The following DUOX1 variants were observed in gnomAD, a reference collection of about 807,000 sequenced individuals.
The protein encoded by DUOX1 is NADPH thyroid oxidase 1.
Under a neutral mutation model 181.8 loss-of-function variants are expected in DUOX1, and 134 were observed. The observed-to-expected ratio is 0.74, with a 90% confidence interval of 0.64 to 0.85. The LOEUF (loss-of-function observed/expected upper bound fraction) is 0.85. Ranked by LOEUF, DUOX1 falls within the 40% of genes least tolerant of loss-of-function variation. The pLI, the probability that DUOX1 is intolerant of heterozygous loss-of-function variation, is 0.00. For missense variants in DUOX1, 1,814 were observed against 2,064.4 expected, an observed-to-expected ratio of 0.88 and a Z score of 2.35; for synonymous variants, 798 against 832.5, an observed-to-expected ratio of 0.96 and a Z score of 0.71.
chr15:45,148,251 G>C (rs537967758), intron 20 of DUOX1, 21 bp from the exon 21 acceptor site: 1 of 1,613,728 alleles, frequency 6.2e-7, no homozygotes, highest in South Asian at 1.1e-5. Flanking sequence ...GGGCCGGATG[G>C]TTCCTCTCCC....
chr15:45,130,073 G>A lies in DUOX1; in HGVS notation c.-75G>A, dbSNP rs1462995522. On this transcript the variant is annotated 5_prime_UTR_variant, in exon 1 of 34. Coordinates refer to ENST00000389037, the MANE Select transcript of DUOX1 (RefSeq NM_175940.3). The stretch of plus-strand genomic sequence containing the variant: ...CAGGCCGGAGACAAGTTGCAGTCCC[G>A]GGCTCTGGTGACGCCGTGGCCGCAG... 6.6e-6 allele frequency: 1 copy of A among 152,288 alleles called. No individual in the cohort carries two copies. Among genetic ancestry groups the A allele is most frequent in the Non-Finnish European group, 1.5e-5 (1 of 68,096 alleles). The allele number at this position is 152,288 out of a possible 1,614,324, so 9.4% of individuals were successfully genotyped here.
chr15:45,155,600 A>C, intron 27 of DUOX1: 1 of 637,046 alleles, frequency 1.6e-6, no homozygotes, highest in Non-Finnish European at 2.6e-6. Flanking sequence ...TCATGGTGAC[A>C]AGGGCTATGA....
At position 45,139,119 on chromosome 15, in the gene DUOX1, C is replaced by A. The variant is rs745987141; in HGVS notation, c.1167C>A (p.Ala389=). 1 of 1,614,184 alleles carries A rather than the reference C, an allele frequency of 6.2e-7. No homozygotes were observed. Among genetic ancestry groups the A allele is most frequent in the South Asian group, 1.1e-5 (1 of 91,084 alleles). ...EDVDALLLGM[A]SQIAEREDHV... ...TGGATGCACTGCTGCTGGGCATGGC[C>A]TCCCAGATCGCAGAGCGAGAGGACC... Residue 389 remains alanine (A), a synonymous_variant, in exon 11 of 34, where the codon GCC becomes GCA. Coordinates refer to ENST00000389037, the MANE Select transcript of DUOX1 (RefSeq NM_175940.3).
Position 45,139,449 on chromosome 15 carries a change from G to C in DUOX1, c.1239G>C (p.Lys413Asn). 1 of 1,612,698 alleles carries C rather than the reference G, an allele frequency of 6.2e-7. No homozygotes were observed. Among genetic ancestry groups the C allele is most frequent in the Non-Finnish European group, 8.5e-7 (1 of 1,179,658 alleles). ...DVRDFWPGPL[K>N]FSRTDHLASC... ...CAGATTTCTGGCCTGGGCCACTGAA[G>C]TTTTCCCGCACAGACCACCTGGCCA... Residue 413 changes from lysine to asparagine, a missense_variant, in exon 12 of 34, where the codon AAG becomes AAC. By Grantham distance (94) the Lys-to-Asn change is moderately conservative. Around this residue, in one of 5 missense-constraint regions of DUOX1, gnomAD observed 1,064 missense variants for 1,152.9 expected, o/e 0.92. Transcript: ENST00000389037.
chr15:45,142,291 G>A (rs1896519743), intron 15 of DUOX1, among the ~76,000 whole-genome samples, 179 bp downstream of exon 15: 1 of 152,228 alleles, frequency 6.6e-6, no homozygotes, highest in Non-Finnish European at 1.5e-5. Context: ...AGAGAAGTCA[G>A]CTCCAGGGAG....
In DUOX1 at chr15:45,140,030, G is replaced by A. The variant is rs1017378818; in HGVS notation, c.1389+431G>A. 2.2e-5 allele frequency: 30 copies of A among 1,353,034 alleles called. No individual in the cohort carries two copies. The Admixed American group carries it at 3.5e-4, about 16-fold the overall frequency. 83.8% of individuals were successfully genotyped at this position (1,353,034 alleles called of 1,614,324 possible). ...CCCAGGCCAAGGTAGAGCCTGAGGC[G>A]GAGGCCCAGCATGCCTTACCCATTC... On this transcript the variant is annotated intron_variant, in intron 12 of 33. Coordinates refer to ENST00000389037, the MANE Select transcript of DUOX1 (RefSeq NM_175940.3).
At position 45,144,088 on chromosome 15, in the gene DUOX1, G is replaced by A. The variant is rs1239721114; in HGVS notation, c.1989G>A (p.Leu663=). ...KEPCRPVLVY[L]QPGQIRVVDG... ...CCTGCCGGCCCGTGCTTGTGTACCT[G>A]CAGCCCGGGCAGATCCGTGTGGTAG... The change falls in exon 17 of 34, where the codon CTG becomes CTA. Residue 663 remains leucine (L), a synonymous_variant. Transcript: ENST00000389037. The A allele has an allele frequency of 1.2e-6, 2 of 1,613,966 alleles. No homozygotes were observed. Among genetic ancestry groups the A allele is most frequent in the Non-Finnish European group, 1.7e-6 (2 of 1,180,038 alleles).
chr15:45,149,421 T>A (rs1027852493), intron 21 of DUOX1, among the ~76,000 whole-genome samples: 5 of 152,096 alleles, frequency 3.3e-5, no homozygotes, highest in African/African-American at 7.2e-5. Context: ...CACCACAGAG[T>A]CCCAGGGACA....
At chr15:45,158,083 GC>G (rs1897007517) in intron 28 of DUOX1, among the ~76,000 whole-genome samples, 1 of 152,208 alleles carries the variant, frequency 6.6e-6, no homozygotes, top group Admixed American at 6.5e-5. Flanking sequence ...CACATCAGAG[GC>G]TGAGCTGGCT....
Position 45,155,760 on chromosome 15 carries a change from A to G in DUOX1, c.3575-42A>G, listed in dbSNP as rs536859730. 35 of 1,611,826 alleles carry G rather than the reference A, an allele frequency of 2.2e-5. 1 individual carries two copies. The Admixed American group carries it at 5.2e-4, about 24-fold the overall frequency. ...GAAGCTCCAGAACAGTTCCCTTTCA[A>G]GGCACTGATCTTCTGCCTTCCACCC... is the stretch of plus-strand genomic sequence containing the variant. On this transcript the variant is annotated intron_variant, in intron 27 of 33. Coordinates refer to ENST00000389037, the MANE Select transcript of DUOX1 (RefSeq NM_175940.3).
At chr15:45,150,296 A>C (rs546021966) in intron 21 of DUOX1, 1 of 267,732 alleles carries the variant, frequency 3.7e-6, no homozygotes, top group South Asian at 8.6e-5. Context: ...GAGGATCTTA[A>C]GCCAAATTTT....
At chr15:45,150,809 C>A in intron 22 of DUOX1, 108 bp downstream of exon 22, 1 of 1,093,380 alleles carries the variant, frequency 9.1e-7, no homozygotes, top group Non-Finnish European at 1.4e-6. Flanking sequence ...CACCTTCAAA[C>A]AAATTAGAAA....
intron 28 of DUOX1, among the ~76,000 whole-genome samples, chr15:45,156,578 A>G (rs1247129689): frequency 1.3e-5 from 2 of 152,094 alleles, no homozygotes; most frequent in African/African-American, 4.8e-5. Flanking sequence ...GACTACAGGC[A>G]CGCACCACCA....
In DUOX1 at chr15:45,148,144, C is replaced by T. The variant is rs1896703162; in HGVS notation, c.2643-128C>T. 8.8e-6 allele frequency: 13 copies of T among 1,470,102 alleles called. No individual in the cohort carries two copies. In the South Asian group the frequency reaches 1.1e-4, roughly 12 times the overall value. 91.1% of individuals were successfully genotyped at this position (1,470,102 alleles called of 1,614,324 possible). A position where few individuals can be genotyped will look rare whatever the true frequency, so the allele number is the denominator to read the frequency against. The stretch of plus-strand genomic sequence containing the variant: ...AGAGGCTGTTCAAACTAGCAGGGGG[C>T]TTGGGATGTGGCCAGTCGGGGCCCC... On this transcript the variant is annotated intron_variant, in intron 20 of 33. Coordinates refer to ENST00000389037, the MANE Select transcript of DUOX1 (RefSeq NM_175940.3).
At chr15:45,150,779 G>A in intron 22 of DUOX1, 78 bp downstream of exon 22, 3 of 1,342,320 alleles carry the variant, frequency 2.2e-6, no homozygotes, top group South Asian at 2.4e-5. Flanking sequence ...TGGGATCAGG[G>A]CCACCGCTAG....
Position 45,152,519 on chromosome 15 carries a change from A to C in DUOX1, c.3424+3A>C. 1 of 1,613,572 alleles carries C rather than the reference A, an allele frequency of 6.2e-7. No homozygotes were observed. Among genetic ancestry groups the C allele is most frequent in the African/African-American group, 1.3e-5 (1 of 74,984 alleles). On this transcript the variant is annotated splice_donor_region_variant and intron_variant, in intron 25 of 33. Transcript: ENST00000389037. ...CTCCACCGCCATCGTCCTCACAGGC[A>C]GGGCCTGGGTGTCCCTGGGAGGCTC...
At position 45,153,494 on chromosome 15, in the gene DUOX1, A is replaced by ATGTG. The variant is rs58154992; in HGVS notation, c.3524+65_3524+68dup. The ATGTG allele has an allele frequency of 6.7e-4, 594 of 886,152 alleles. 2 individuals are homozygous for ATGTG. Among genetic ancestry groups the ATGTG allele is most frequent in the African/African-American group, 6.1e-3 (308 of 50,216 alleles). 54.9% of individuals were successfully genotyped at this position (886,152 alleles called of 1,614,324 possible). A position where few individuals can be genotyped will look rare whatever the true frequency, so the allele number is the denominator to read the frequency against. On this transcript the variant is annotated intron_variant, in intron 26 of 33. Coordinates refer to ENST00000389037, the MANE Select transcript of DUOX1 (RefSeq NM_175940.3). ...CATGATGATGGGTGAGTAAGTGCGA[A>ATGTG]TGTGTGTGTGTGTGTGTGTGTGTGT...
Position 45,135,640 on chromosome 15 carries a change from C to G in DUOX1, c.662C>G (p.Pro221Arg). ...CTGCTCATGTGGGCGGCGCCCGACC[C>G]CGCCACCGGGCAGAACGGGCCCCGG... ...NPLLMWAAPD[P>R]ATGQNGPRGL... Residue 221 changes from proline (P) to arginine (R), a missense_variant, in exon 6 of 34, where the codon CCC (proline) becomes CGC (arginine). Physicochemically the swap from Pro to Arg is moderately radical, Grantham distance 103. This residue lies in a region of DUOX1 where 320 missense variants were observed against 313.1 expected (regional missense o/e 1.02). Transcript: ENST00000389037. 3 of 1,541,648 alleles carry G rather than the reference C, an allele frequency of 1.9e-6. No homozygotes were observed. Among genetic ancestry groups the G allele is most frequent in the Non-Finnish European group, 2.6e-6 (3 of 1,143,968 alleles).
At chr15:45,138,096 G>GTGTC (rs1025820647) in intron 10 of DUOX1, 82 bp downstream of exon 10, 1 of 1,060,750 alleles carries the variant, frequency 9.4e-7, no homozygotes, top group African/African-American at 1.6e-5. Flanking sequence ...GTGTGTGTGT[G>GTGTC]TGTGTGTGTG....
Sources: gnomAD v4.1 joint callset for allele counts (sites outside exome capture counted in the v4.1 genomes callset) on GRCh38, gnomAD v4.1.1 for gene constraint, gnomAD v4.1.1 regional missense constraint, MANE v1.5 for transcripts, NCBI Gene and HGNC (gene_info 2026-07-23, HGNC 2026-07-21) for gene names.